Variants in NPRL3 observed in about 807,000 individuals in gnomAD.
NPRL3 encodes GATOR1 complex protein NPRL3.
NPRL3 carries 23 observed loss-of-function variants against 57.2 expected under a neutral mutation model. The observed-to-expected ratio is 0.40, with a 90% CI of 0.29 to 0.57. The LOEUF (loss-of-function observed/expected upper bound fraction) is 0.57, where lower values mean the gene tolerates loss of function less well. Ranked by LOEUF, NPRL3 falls within the 20% of genes least tolerant of loss-of-function variation. The pLI, the probability that NPRL3 is intolerant of heterozygous loss-of-function variation, is 0.42. For missense variants in NPRL3, 691 were observed against 767.1 expected (o/e 0.90, Z 1.17); for synonymous variants, 333 against 321.1 (o/e 1.04, Z -0.39).
At chr16:113,462 G>A (rs1899903703) in intron 5 of NPRL3, among the ~76,000 whole-genome samples, 1 of 152,236 alleles carries the variant, frequency 6.6e-6, no homozygotes, top group African/African-American at 2.4e-5. Flanking sequence ...TCAAAGGACA[G>A]TGCAGGAGGC....
chr16:130,515 C>T lies in NPRL3; in HGVS notation c.188+7G>A. On this transcript the variant is annotated splice_region_variant and intron_variant, in intron 3 of 13. Transcript: ENST00000611875. ...GCCCCGCCCTGAAGTGGCCGCAGAG[C>T]CTTTACCTGGAATCGCCGTCCTGCT... The T allele has an allele frequency of 6.5e-7, 1 of 1,550,236 alleles. No homozygotes were observed. Among genetic ancestry groups the T allele is most frequent in the South Asian group, 1.2e-5 (1 of 84,144 alleles).
At position 138,299 on chromosome 16, in the gene NPRL3, G is replaced by A; in HGVS notation, c.-32C>T. ...GTGGGGCCGGGGCCGGGGGCGGAGG[G>A]GGCCAGAGGAGGACGGAGCCGGAGG... On this transcript the variant is annotated 5_prime_UTR_variant, in exon 2 of 14. Transcript: ENST00000611875. 1.3e-6 allele frequency: 2 copies of A among 1,527,722 alleles called. No homozygotes were observed. The highest frequency in any genetic ancestry group is 1.8e-6 in the Non-Finnish European group (2 of 1,137,316). The allele number at this position is 1,527,722 out of a possible 1,614,324, so 94.6% of individuals were successfully genotyped here.
chr16:104,660 C>T (rs1899453026), intron 7 of NPRL3, among the ~76,000 whole-genome samples: 1 of 152,206 alleles, frequency 6.6e-6, no homozygotes, highest in Admixed American at 6.5e-5. Context: ...AGCATCAGCT[C>T]ACCCACCTGC....
chr16:113,056 C>A (rs1264554663), intron 5 of NPRL3, among the ~76,000 whole-genome samples: 1 of 149,264 alleles, frequency 6.7e-6, no homozygotes, highest in Non-Finnish European at 1.5e-5. Flanking sequence ...TGCCTGGGTG[C>A]CCTAAGGAGG....
intron 3 of NPRL3, among the ~76,000 whole-genome samples, chr16:121,572 A>G (rs1900280687): frequency 6.6e-6 from 1 of 151,066 alleles, no homozygotes; most frequent in Non-Finnish European, 1.5e-5. Flanking sequence ...GTGAGCGGAG[A>G]TCGTGCCACT....
intron 3 of NPRL3, among the ~76,000 whole-genome samples, chr16:122,420 T>C (rs1400764506): frequency 6.6e-6 from 1 of 152,210 alleles, no homozygotes. Context: ...ATATAGTCTG[T>C]CTGGTAATGT....
In NPRL3 at chr16:85,392, G is replaced by A. The variant is rs369722201; in HGVS notation, c.*1313C>T. 38 of 1,594,438 alleles carry A rather than the reference G, an allele frequency of 2.4e-5. 1 individual carries two copies. Among genetic ancestry groups the A allele is most frequent in the East Asian group, 9.0e-5 (4 of 44,616 alleles). On this transcript the variant is annotated 3_prime_UTR_variant, in exon 14 of 14. Coordinates refer to ENST00000611875, the MANE Select transcript of NPRL3 (RefSeq NM_001077350.3). ...GGGAGGCTCCACTTCCAAACTGTCCGTCCCACAGGGGACGGGGCTTGCGTC... is the reference window on the plus strand; with the variant it reads ...GGGAGGCTCCACTTCCAAACTGTCCATCCCACAGGGGACGGGGCTTGCGTC...
Position 85,800 on chromosome 16 carries a change from A to C in NPRL3, c.*905T>G. On this transcript the variant is annotated 3_prime_UTR_variant, in exon 14 of 14. Coordinates refer to ENST00000611875, the MANE Select transcript of NPRL3 (RefSeq NM_001077350.3). ...TGAGCAAAGGGCCTGCCCAGACAAG[A>C]TTTTTTAATTGTTTAAAAACCGAAT... The C allele has an allele frequency of 1.4e-6, 2 of 1,458,644 alleles. No homozygotes were observed. Among genetic ancestry groups the C allele is most frequent in the South Asian group, 3.2e-5 (2 of 63,114 alleles). 90.4% of individuals were successfully genotyped at this position (1,458,644 alleles called of 1,614,324 possible). A position where few individuals can be genotyped will look rare whatever the true frequency, so the allele number is the denominator to read the frequency against.
chr16:119,232 G>A lies in NPRL3; in HGVS notation c.212C>T (p.Thr71Ile). 1 of 1,610,042 alleles carries A rather than the reference G, an allele frequency of 6.2e-7. No individual in the cohort carries two copies. Among genetic ancestry groups the A allele is most frequent in the Non-Finnish European group, 8.5e-7 (1 of 1,178,014 alleles). The stretch of plus-strand genomic sequence containing the variant: ...CATTTCAGACTTGGTTGCCAAAATT[G>A]TTGCCAGAATAACATCTGAAAACCT... The part of the protein sequence containing the change: ...DSRFSDVILA[T>I]ILATKSEMCG... Residue 71 changes from threonine to isoleucine, a missense_variant, in exon 4 of 14, where the codon ACA becomes ATA. Physicochemically the swap from Thr to Ile is moderately conservative, Grantham distance 89. Transcript: ENST00000611875.
chr16:91,886 G>A (rs1001950493), intron 11 of NPRL3, among the ~76,000 whole-genome samples: 1 of 152,188 alleles, frequency 6.6e-6, no homozygotes, highest in African/African-American at 2.4e-5. Flanking sequence ...CAGTGGAGGG[G>A]AGGATGGCAA....
rs574519398 is a variant in NPRL3, at chr16:127,656, T to A, written c.188+2866A>T. ...GACCAGTGCAACTGAGCAAGTGAAT[T>A]TTTTTTTTTTTTTTTTGAGACGGAG... is the stretch of plus-strand genomic sequence containing the variant. On this transcript the variant is annotated intron_variant, in intron 3 of 13. Transcript: ENST00000611875. Among the ~76,000 whole-genome samples, 450 of 138,550 alleles carry A rather than the reference T, an allele frequency of 3.2e-3. 2 individuals carry two copies. The highest frequency in any genetic ancestry group is 0.012 in the African/African-American group (422 of 36,116). 90.9% of individuals were successfully genotyped at this position (138,550 alleles called of 152,430 possible). A position where few individuals can be genotyped will look rare whatever the true frequency, so the allele number is the denominator to read the frequency against.
chr16:122,010 G>T (rs149164538), intron 3 of NPRL3, among the ~76,000 whole-genome samples: 445 of 149,566 alleles, frequency 3.0e-3, no homozygotes, highest in African/African-American at 0.01. Flanking sequence ...CCTGACCTCA[G>T]GTGATCCGCC....
chr16:85,816 A>G lies in NPRL3; in HGVS notation c.*889T>C, dbSNP rs1333006296. ...CCAGACAAGATTTTTTAATTGTTTA[A>G]AAACCGAATAAATGTTTTATTTCTA... On this transcript the variant is annotated 3_prime_UTR_variant, in exon 14 of 14. Coordinates refer to ENST00000611875, the MANE Select transcript of NPRL3 (RefSeq NM_001077350.3). 6.9e-7 allele frequency: 1 copy of G among 1,450,614 alleles called. No homozygotes were observed. The highest frequency in any genetic ancestry group is 9.1e-7 in the Non-Finnish European group (1 of 1,099,646). The allele number at this position is 1,450,614 out of a possible 1,614,324, so 89.9% of individuals were successfully genotyped here. A position where few individuals can be genotyped will look rare whatever the true frequency, so the allele number is the denominator to read the frequency against.
chr16:88,589 G>A, intron 13 of NPRL3, 109 bp downstream of exon 13: 2 of 982,364 alleles, frequency 2.0e-6, no homozygotes, highest in South Asian at 3.2e-5. Context: ...CTCGAACAGG[G>A]CCCCATCTGT....
rs116898737 is a variant in NPRL3 at position 94,426 on chromosome 16, G to A, written c.925-1101C>T. ...TGCCTGGACACCGTGCTGCCCTGCT[G>A]CTGAGGACACTTATACCTCAGCTCA... On this transcript the variant is annotated intron_variant, in intron 9 of 13. Coordinates refer to ENST00000611875, the MANE Select transcript of NPRL3 (RefSeq NM_001077350.3). 8.5e-5 allele frequency among the ~76,000 whole-genome samples: 13 copies of A among 152,316 alleles called. No homozygotes were observed. In the East Asian group the frequency reaches 2.5e-3, roughly 29 times the overall value.
At chr16:118,869 G>T (rs977594281) in intron 4 of NPRL3, among the ~76,000 whole-genome samples, 7 of 151,094 alleles carry the variant, frequency 4.6e-5, no homozygotes, top group Non-Finnish European at 4.4e-5. Context: ...AGACGCATCT[G>T]CCCAGGGGAA....
intron 4 of NPRL3, among the ~76,000 whole-genome samples, chr16:117,952 C>T (rs1217076495): frequency 6.6e-6 from 1 of 152,228 alleles, no homozygotes; most frequent in Admixed American, 6.5e-5. Flanking sequence ...AGTTGGGGCC[C>T]CAGGCTGCCC....
chr16:130,670 A>T, intron 2 of NPRL3, 79 bp from the exon 3 acceptor site: 2 of 1,385,934 alleles, frequency 1.4e-6, no homozygotes, highest in Non-Finnish European at 2.0e-6. Context: ...AACCGTTAAC[A>T]GCCATGTTTT....
intron 3 of NPRL3, among the ~76,000 whole-genome samples, chr16:128,956 TGAGATTTACA>T (rs930239983): frequency 2.0e-5 from 3 of 152,114 alleles, no homozygotes; most frequent in Non-Finnish European, 4.4e-5. Flanking sequence ...GTGGCACCAG[TGAGATTTACA>T]GATATATGAT....
Sources: allele counts gnomAD v4.1 joint callset (sites outside exome capture counted in the v4.1 genomes callset), GRCh38; gene constraint gnomAD v4.1.1; transcripts MANE v1.5; gene names NCBI Gene and HGNC (gene_info 2026-07-23, HGNC 2026-07-21).